Variants in ADA observed in about 807,000 individuals in gnomAD.
ADA encodes the protein adenosine deaminase, also known as adenosine aminohydrolase.
Under a neutral mutation model 49.0 loss-of-function variants are expected in ADA, and 45 were observed. The observed-to-expected ratio is 0.92, with a 90% CI of 0.72 to 1.18. The LOEUF is 1.18. Ranked by LOEUF, ADA falls within the 50% of genes most tolerant of loss-of-function variation. The probability of loss-of-function intolerance (pLI) is 0.00; values close to 1 mark genes in which losing one functional copy is unlikely to be tolerated. For missense variants in ADA, 445 were observed against 472.5 expected (o/e 0.94, Z 0.54); for synonymous variants, 173 against 184.2 (o/e 0.94, Z 0.49).
chr20:44,633,039 C>T (rs2065447876), intron 2 of ADA, among the ~76,000 whole-genome samples: 1 of 152,244 alleles, frequency 6.6e-6, no homozygotes, highest in Admixed American at 6.5e-5. Flanking sequence ...AGCTGCTGTG[C>T]TGGGGCACTG....
chr20:44,631,871 T>C (rs1230902097), intron 2 of ADA, among the ~76,000 whole-genome samples: 1 of 152,144 alleles, frequency 6.6e-6, no homozygotes, highest in Non-Finnish European at 1.5e-5. Flanking sequence ...GGCTACCTGT[T>C]GAGAGGCAGG....
intron 1 of ADA, among the ~76,000 whole-genome samples, chr20:44,646,456 AAGG>A (rs1365718195): frequency 7.8e-6 from 1 of 128,652 alleles, no homozygotes; most frequent in Non-Finnish European, 1.7e-5. Flanking sequence ...GGAAGACAAA[AAGG>A]AGGAGGGAGG....
rs370957856 is a variant in ADA at position 44,624,441 on chromosome 20, G to A, written c.479-112C>T. 3.5e-6 allele frequency: 5 copies of A among 1,443,788 alleles called. No homozygotes were observed. The African/African-American group carries it at 7.0e-5, about 20-fold the overall frequency. The allele number at this position is 1,443,788 out of a possible 1,614,324, so 89.4% of individuals were successfully genotyped here. ...CCCATGGGAGGCCAGCACAAAACAG[G>A]GCTCAGTGTCTTCAAATCCTAACTG... On this transcript the variant is annotated intron_variant, in intron 5 of 11. Transcript: ENST00000372874.
At position 44,621,107 on chromosome 20, in the gene ADA, C is replaced by T. The variant is rs765445980; in HGVS notation, c.886G>A (p.Asp296Asn). Residue 296 changes from aspartate to asparagine, a missense_variant, in exon 10 of 12, where the codon GAC becomes AAC. By Grantham distance (23) the Asp-to-Asn change is conservative. Transcript: ENST00000372874. ...DQANYSLNTD[D>N]PLIFKSTLDT... ...AGGGTGGACTTGAAGATGAGCGGGTCATCTGTGTTGAGCGAGTAGTTAGCC... is the reference window on the plus strand; with the variant it reads ...AGGGTGGACTTGAAGATGAGCGGGTTATCTGTGTTGAGCGAGTAGTTAGCC... 5.6e-6 allele frequency: 9 copies of T among 1,614,046 alleles called. No homozygotes were observed. The East Asian group carries it at 1.8e-4, about 32-fold the overall frequency.
intron 9 of ADA, among the ~76,000 whole-genome samples, chr20:44,621,869 T>C (rs541287707): frequency 1.3e-5 from 2 of 152,236 alleles, no homozygotes; most frequent in African/African-American, 4.8e-5. Context: ...GCCCATGGTA[T>C]ACCCACATGC....
At chr20:44,639,648 A>C (rs534593046) in intron 1 of ADA, among the ~76,000 whole-genome samples, 52 of 152,122 alleles carry the variant, frequency 3.4e-4, no homozygotes, top group Admixed American at 2.0e-3. Flanking sequence ...CCTGACCTCA[A>C]GTGATCTGCC....
At chr20:44,627,483 G>T (rs2065393908) in intron 3 of ADA, among the ~76,000 whole-genome samples, 1 of 152,010 alleles carries the variant, frequency 6.6e-6, no homozygotes, top group Admixed American at 6.6e-5. Flanking sequence ...ACCTGGCCCA[G>T]ACCGCCTTAT....
At chr20:44,626,298 A>G (rs1162442302) in intron 4 of ADA, 158 bp downstream of exon 4, 8 of 991,394 alleles carry the variant, frequency 8.1e-6, no homozygotes, top group Non-Finnish European at 1.2e-5. Context: ...GTCTCTTGTG[A>G]CAGAGTTAAA....
intron 1 of ADA, among the ~76,000 whole-genome samples, chr20:44,641,050 G>A (rs905861205): frequency 3.3e-5 from 5 of 152,098 alleles, no homozygotes; most frequent in South Asian, 4.2e-4. Flanking sequence ...AACTTGTCAC[G>A]GCAGCCACAG....
chr20:44,651,247 T>C (rs920916146), intron 1 of ADA, among the ~76,000 whole-genome samples: 3 of 152,190 alleles, frequency 2.0e-5, no homozygotes, highest in Admixed American at 2.0e-4. Flanking sequence ...ATCATACAGC[T>C]GAGCTTCAGA....
rs1044846510 is a variant in ADA, at chr20:44,624,413, C to G, written c.479-84G>C. On this transcript the variant is annotated intron_variant, in intron 5 of 11. Transcript: ENST00000372874. ...CTACCTGCCTGCTGTCCCACCCAAA[C>G]CCCCCATGGGAGGCCAGCACAAAAC... The G allele has an allele frequency of 1.8e-5, 28 of 1,581,872 alleles. No individual in the cohort carries two copies. In the African/African-American group the frequency reaches 3.8e-4, roughly 21 times the overall value.
intron 2 of ADA, among the ~76,000 whole-genome samples, chr20:44,629,428 G>A (rs576706071): frequency 3.9e-4 from 60 of 152,268 alleles, no homozygotes; most frequent in Non-Finnish European, 6.9e-4. Flanking sequence ...GTGTGTGTGT[G>A]TGTGTGTGTG....
At chr20:44,634,395 G>A (rs371927) in intron 2 of ADA, among the ~76,000 whole-genome samples, 113,848 of 152,164 alleles carry the variant, frequency 0.75, 45,169 homozygotes, top group Non-Finnish European at 0.89. Flanking sequence ...TTTTACGGGC[G>A]TCACTTACCA....
intron 5 of ADA, among the ~76,000 whole-genome samples, chr20:44,624,704 G>A (rs745662959): frequency 6.6e-6 from 1 of 152,224 alleles, no homozygotes; most frequent in African/African-American, 2.4e-5. Context: ...ATGAGGAAAC[G>A]GAGGACCGTT....
At chr20:44,635,505 T>C (rs1456576784) in intron 2 of ADA, among the ~76,000 whole-genome samples, 1 of 152,206 alleles carries the variant, frequency 6.6e-6, no homozygotes, top group Admixed American at 6.5e-5. Context: ...AGGAATTCAA[T>C]GAGCTGATAA....
rs562448024 is a variant in ADA, at chr20:44,619,623, C to T, written c.*211G>A. 39 of 609,432 alleles carry T rather than the reference C, an allele frequency of 6.4e-5. No homozygotes were observed. The African/African-American group carries it at 6.5e-4, about 10-fold the overall frequency. 37.8% of individuals were successfully genotyped at this position (609,432 alleles called of 1,614,324 possible). On this transcript the variant is annotated 3_prime_UTR_variant, in exon 12 of 12. Transcript: ENST00000372874. ...ATTCAACCATGCCCATGTGCAAGGGCGCTGGTCCCTGGCCAGGGCACATAA... is the reference window on the plus strand; with the variant it reads ...ATTCAACCATGCCCATGTGCAAGGGTGCTGGTCCCTGGCCAGGGCACATAA...
intron 1 of ADA, among the ~76,000 whole-genome samples, chr20:44,647,305 G>A (rs1008124538): frequency 3.3e-5 from 5 of 152,080 alleles, no homozygotes; most frequent in South Asian, 4.1e-4. Context: ...GCATGGTGGT[G>A]CATGCCTGTA....
chr20:44,624,189 T>C lies in ADA; in HGVS notation c.606+13A>G. On this transcript the variant is annotated intron_variant, in intron 6 of 11. Coordinates refer to ENST00000372874, the MANE Select transcript of ADA (RefSeq NM_000022.4). Reference sequence around the variant, plus strand: ...CCAGGGCCAGCCTCTCCATTCCTTCTCACAGGACCCACCTGGTAGGCCTGG... The same window carrying C: ...CCAGGGCCAGCCTCTCCATTCCTTCCCACAGGACCCACCTGGTAGGCCTGG... The C allele has an allele frequency of 2.5e-6, 4 of 1,605,678 alleles. No homozygotes were observed. In the South Asian group the frequency reaches 4.4e-5, roughly 18 times the overall value.
chr20:44,636,189 A>G (rs1346492094), intron 2 of ADA, 38 bp downstream of exon 2: 1 of 1,574,598 alleles, frequency 6.4e-7, no homozygotes, highest in Admixed American at 1.7e-5. Flanking sequence ...GACCCCACTC[A>G]AATCCCAGGG....
Sources: gnomAD v4.1 joint callset for allele counts (sites outside exome capture counted in the v4.1 genomes callset) on GRCh38, gnomAD v4.1.1 for gene constraint, MANE v1.5 for transcripts, NCBI Gene and HGNC (gene_info 2026-07-23, HGNC 2026-07-21) for gene names.